PCNT: variants seen among roughly 807,000 people sequenced by gnomAD.
PCNT encodes the protein kendrin.
PCNT carries 319 observed loss-of-function variants against 380.4 expected under a neutral mutation model. That is an observed-to-expected ratio of 0.84 (90% CI 0.77 to 0.92). The LOEUF (loss-of-function observed/expected upper bound fraction) is 0.92, where lower values mean the gene tolerates loss of function less well. Among genes scored for constraint, PCNT ranks in the 40% least tolerant of loss-of-function variants. The pLI is 0.00. For synonymous variants in PCNT, 1,845 were observed against 1,735.2 expected, an observed-to-expected ratio of 1.06 and a Z score of -1.57; for missense variants, 4,400 against 4,255.3, an observed-to-expected ratio of 1.03 and a Z score of -0.95.
At chr21:46,330,271 C>T (rs1377198731) in intron 2 of PCNT, among the ~76,000 whole-genome samples, 1 of 152,010 alleles carries the variant, frequency 6.6e-6, no homozygotes, top group Non-Finnish European at 1.5e-5. Context: ...GCATGTGCCA[C>T]CATACCTGGC....
intron 15 of PCNT, among the ~76,000 whole-genome samples, chr21:46,371,747 A>G (rs1411567625): frequency 6.6e-6 from 1 of 152,156 alleles, no homozygotes; most frequent in East Asian, 1.9e-4. Flanking sequence ...TCCAGGCGCC[A>G]CCACCCCGCC....
Position 46,388,546 on chromosome 21 carries a change from C to T in PCNT, c.3465-196C>T, listed in dbSNP as rs775980539. On this transcript the variant is annotated intron_variant, in intron 17 of 46. Coordinates refer to ENST00000359568, the MANE Select transcript of PCNT (RefSeq NM_006031.6). This position sits in a 1 kb window ranked among gnomAD's most constrained non-coding sequence, Gnocchi z 4.2. ...AGGAAAGCCCGTGTCCCTGAGTGGG[C>T]TCCACGTGGTTGTCTTGTCTGTGGC... Among the ~76,000 whole-genome samples, 34 of 152,234 alleles carry T rather than the reference C, an allele frequency of 2.2e-4. No individual in the cohort carries two copies. Among genetic ancestry groups the T allele is most frequent in the Non-Finnish European group, 4.3e-4 (29 of 68,036 alleles).
chr21:46,348,149 C>T (rs2084137459), intron 6 of PCNT: 1 of 174,820 alleles, frequency 5.7e-6, no homozygotes, highest in Non-Finnish European at 1.2e-5. Context: ...TCTCAGAACA[C>T]TTGGGACAGA....
At chr21:46,440,549 G>A (rs767243292) in intron 42 of PCNT, among the ~76,000 whole-genome samples, 3 of 152,354 alleles carry the variant, frequency 2.0e-5, no homozygotes, top group South Asian at 2.1e-4. Context: ...ACCCCGTGAC[G>A]TCCATCTCAT....
chr21:46,417,943 C>A (rs1237137921), intron 30 of PCNT, among the ~76,000 whole-genome samples: 1 of 151,964 alleles, frequency 6.6e-6, no homozygotes, highest in Non-Finnish European at 1.5e-5. Context: ...TCTGAAACAT[C>A]CATATACTAT....
chr21:46,438,308 CA>C lies in PCNT; in HGVS notation c.9245del (p.His3082ProfsTer28). 1 of 1,614,142 alleles carries C rather than the reference CA, an allele frequency of 6.2e-7. No homozygotes were observed. Among genetic ancestry groups the C allele is most frequent in the Admixed American group, 1.7e-5 (1 of 60,022 alleles). ...GTCTAAGCTTGAGAAGTTGCTGAAG[CA>C]CCATCTGCAGAAGGGCTGCAGCCCA... is the stretch of plus-strand genomic sequence containing the variant. The part of the protein sequence containing the change: ...AVSKLEKLLK[H>X]HLQKGCSPSR... On this transcript the variant is annotated frameshift_variant, in exon 41 of 47. Transcript: ENST00000359568. LOFTEE classifies it high-confidence loss of function.
intron 16 of PCNT, among the ~76,000 whole-genome samples, chr21:46,382,606 G>T (rs1349364926): frequency 2.8e-5 from 4 of 141,954 alleles, no homozygotes; most frequent in African/African-American, 1.1e-4. Flanking sequence ...TCACGGTGTT[G>T]TGCATTCAGT....
chr21:46,346,676 C>T (rs2084079817), intron 4 of PCNT, 67 bp from the exon 5 acceptor site: 8 of 1,532,574 alleles, frequency 5.2e-6, no homozygotes, highest in Non-Finnish European at 7.1e-6. Context: ...ATTCATGCTT[C>T]TGTGTCTCCC....
chr21:46,330,033 G>C (rs1245366434), intron 2 of PCNT, among the ~76,000 whole-genome samples: 1 of 152,180 alleles, frequency 6.6e-6, no homozygotes, highest in Non-Finnish European at 1.5e-5. Context: ...GTACCAGTCA[G>C]CTTTTTCCAC....
rs747573728 is a variant in PCNT at position 46,431,860 on chromosome 21, C to T, written c.8396C>T (p.Ser2799Phe). ...ALLQKLKEEK[S>F]RVVDLQAMLE... The stretch of plus-strand genomic sequence containing the variant: ...CTGCAGAAGCTGAAGGAGGAGAAGT[C>T]CCGGGTGGTGGACTTGCAAGCGATG... The change falls in exon 38 of 47, where the codon TCC (serine) becomes TTC (phenylalanine). Residue 2799 changes from serine (S) to phenylalanine (F), a missense_variant. Ser to Phe is a radical substitution (Grantham distance 155, BLOSUM62 -2). Transcript: ENST00000359568. 3 of 1,614,048 alleles carry T rather than the reference C, an allele frequency of 1.9e-6. No individual in the cohort carries two copies. The South Asian group carries it at 3.3e-5, about 18-fold the overall frequency.
At chr21:46,400,266 A>G (rs2086375705) in intron 25 of PCNT, among the ~76,000 whole-genome samples, 1 of 151,926 alleles carries the variant, frequency 6.6e-6, no homozygotes, top group African/African-American at 2.4e-5. Context: ...TGAGAGTTTA[A>G]AGAGGGGCTG....
chr21:46,386,462 G>A (rs756251344), intron 17 of PCNT, among the ~76,000 whole-genome samples: 31 of 152,202 alleles, frequency 2.0e-4, no homozygotes, highest in African/African-American at 2.9e-4. Flanking sequence ...AGCCCTGTCC[G>A]TTCCTTTCTC....
intron 13 of PCNT, among the ~76,000 whole-genome samples, chr21:46,361,158 G>A (rs570734188): frequency 6.6e-6 from 1 of 152,276 alleles, no homozygotes; most frequent in South Asian, 2.1e-4. Flanking sequence ...TGGGAGGCGG[G>A]TGGATCACCC....
chr21:46,425,617 C>T lies in PCNT; in HGVS notation c.7180-214C>T, dbSNP rs563315817. 5.9e-5 allele frequency among the ~76,000 whole-genome samples: 9 copies of T among 152,200 alleles called. No individual in the cohort carries two copies. Among genetic ancestry groups the T allele is most frequent in the South Asian group, 2.1e-4 (1 of 4,832 alleles). On this transcript the variant is annotated intron_variant, in intron 32 of 46. Transcript: ENST00000359568. This position sits in a 1 kb window ranked among gnomAD's most constrained non-coding sequence, Gnocchi z 4.2. The stretch of plus-strand genomic sequence containing the variant: ...AGAAATTCACTCCAAGCCTGGCTTC[C>T]GTGTTGTCTCTCTGAAGGTCGGGAG...
Position 46,351,556 on chromosome 21 carries a change from G to A in PCNT, c.1456+16G>A, listed in dbSNP as rs765900162. ...GAATTGAGTGGTGAGGAATTGTATT[G>A]GAAAATTCAGATCCTCAAAAGCTGA... On this transcript the variant is annotated intron_variant, in intron 9 of 46. Coordinates refer to ENST00000359568, the MANE Select transcript of PCNT (RefSeq NM_006031.6). The A allele has an allele frequency of 3.8e-5, 52 of 1,385,766 alleles. No homozygotes were observed. In the Admixed American group the frequency reaches 6.7e-4, roughly 18 times the overall value. 85.8% of individuals were successfully genotyped at this position (1,385,766 alleles called of 1,614,324 possible). A position where few individuals can be genotyped will look rare whatever the true frequency, so the allele number is the denominator to read the frequency against.
intron 45 of PCNT, among the ~76,000 whole-genome samples, chr21:46,444,312 T>C (rs1313386937): frequency 2.0e-5 from 3 of 152,088 alleles, no homozygotes; most frequent in Non-Finnish European, 4.4e-5. Context: ...TCCCTGGGCC[T>C]GGCGGAAGGC....
rs2086430629 is a variant in PCNT, at chr21:46,401,631, A to G, written c.4872A>G (p.Arg1624=). Residue 1624 remains arginine, a synonymous_variant, in exon 26 of 47, where the codon AGA becomes AGG. Coordinates refer to ENST00000359568, the MANE Select transcript of PCNT (RefSeq NM_006031.6). ...STLQSTLDAG[R]CPEPPSGSPP... ...TGCAGTCTACACTAGATGCAGGCAG[A>G]TGTCCCGAGCCTCCTTCGGGCAGCC... The G allele has an allele frequency of 6.2e-7, 1 of 1,613,996 alleles. No individual in the cohort carries two copies. The highest frequency in any genetic ancestry group is 8.5e-7 in the Non-Finnish European group (1 of 1,179,932).
rs750414320 is a variant in PCNT at position 46,442,568 on chromosome 21, G to A, written c.9695G>A (p.Arg3232His). 1.3e-5 allele frequency: 20 copies of A among 1,599,742 alleles called. No individual in the cohort carries two copies. The highest frequency in any genetic ancestry group is 3.3e-5 in the Admixed American group (2 of 59,996). Reference protein sequence around the residue: ...KGALAQGKAPRPGPRARQPQS... With the variant: ...KGALAQGKAPHPGPRARQPQS... ...GCTCTGGCACAAGGCAAAGCCCCTC[G>A]CCCAGGTGGGACTCCAGCTGCTGTT... is the stretch of plus-strand genomic sequence containing the variant. Residue 3232 changes from arginine to histidine, a missense_variant, in exon 44 of 47, where the codon CGC (arginine) becomes CAC (histidine). Arg to His is a conservative substitution (Grantham distance 29). Coordinates refer to ENST00000359568, the MANE Select transcript of PCNT (RefSeq NM_006031.6).
In PCNT at chr21:46,416,548, G is replaced by GC. The variant is rs1447379129; in HGVS notation, c.6634dup (p.Arg2212ProfsTer17). On this transcript the variant is annotated frameshift_variant, in exon 30 of 47. Transcript: ENST00000359568. LOFTEE classifies it high-confidence loss of function. ...ACCAGAGCCACACTGCAGAGGCTGG[G>GC]CCCCGGAAGAGCCCGGTCGGGATGC... 3.1e-6 allele frequency: 5 copies of GC among 1,613,058 alleles called. No homozygotes were observed. Among genetic ancestry groups the GC allele is most frequent in the Non-Finnish European group, 4.2e-6 (5 of 1,179,746 alleles).
Sources: allele counts gnomAD v4.1 joint callset (sites outside exome capture counted in the v4.1 genomes callset), GRCh38; gene constraint gnomAD v4.1.1; non-coding constraint Gnocchi (gnomAD v3.1); transcripts MANE v1.5; gene names NCBI Gene and HGNC (gene_info 2026-07-23, HGNC 2026-07-21).